NAV3: variants seen among roughly 807,000 people sequenced by gnomAD.
The protein encoded by NAV3 is neuron navigator 3.
Under a neutral mutation model 244.7 loss-of-function variants are expected in NAV3, and 87 were observed. The observed-to-expected ratio is 0.36, with a 90% CI of 0.30 to 0.42. NAV3 has a LOEUF of 0.42. Among genes scored for constraint, NAV3 ranks in the 20% least tolerant of loss-of-function variants. NAV3 has a pLI of 1.00. For missense variants in NAV3, 2,663 were observed against 2,893.3 expected, an observed-to-expected ratio of 0.92 and a Z score of 1.83; for synonymous variants, 1,126 against 1,042.2, an observed-to-expected ratio of 1.08 and a Z score of -1.55.
At chr12:77,689,879 T>C (rs1160483414) in intron 2 of NAV3, among the ~76,000 whole-genome samples, 1 of 151,874 alleles carries the variant, frequency 6.6e-6, no homozygotes, top group African/African-American at 2.4e-5. Flanking sequence ...AAGTAATTAT[T>C]GCAAAGTCAG....
At chr12:78,162,921 T>TATATATATAAATATATATATTATATATA (rs1565744377) in intron 23 of NAV3, among the ~76,000 whole-genome samples, 2 of 129,432 alleles carry the variant, frequency 1.5e-5, no homozygotes, top group African/African-American at 5.3e-5. Context: ...TATTATATAA[T>TATATATATAAATATATATATTATATATA]ATATATATAA....
chr12:77,642,493 T>C (rs570656093), intron 2 of NAV3, among the ~76,000 whole-genome samples: 33 of 152,090 alleles, frequency 2.2e-4, no homozygotes, highest in Non-Finnish European at 4.3e-4. Context: ...AGGTTAAAAC[T>C]TTCTATAAGC....
intron 1 of NAV3, among the ~76,000 whole-genome samples, chr12:77,913,737 T>C (rs927238012): frequency 6.6e-6 from 1 of 152,140 alleles, no homozygotes; most frequent in African/African-American, 2.4e-5. Context: ...TTTTACAGTC[T>C]CTCACTTAAG....
chr12:77,757,423 C>T (rs1019761648), intron 2 of NAV3, among the ~76,000 whole-genome samples: 2 of 152,160 alleles, frequency 1.3e-5, no homozygotes, highest in Non-Finnish European at 1.5e-5. Context: ...TTGAAATGTG[C>T]CTTCTTCTCT....
At chr12:78,125,102 G>A (rs947481406) in intron 16 of NAV3, among the ~76,000 whole-genome samples, 1 of 152,116 alleles carries the variant, frequency 6.6e-6, no homozygotes, top group Admixed American at 6.5e-5. Flanking sequence ...GAAGAGAAAA[G>A]TAGATCTAGT....
intron 2 of NAV3, among the ~76,000 whole-genome samples, chr12:77,708,767 G>T (rs566557503): frequency 6.6e-6 from 1 of 152,088 alleles, no homozygotes; most frequent in Non-Finnish European, 1.5e-5. Context: ...CCTTGAAGAG[G>T]TCCTTCACAT....
intron 2 of NAV3, among the ~76,000 whole-genome samples, chr12:77,595,512 C>T (rs1870127647): frequency 6.6e-6 from 1 of 151,954 alleles, no homozygotes; most frequent in Non-Finnish European, 1.5e-5. Context: ...CAAGATTTGC[C>T]AAGAGAGTAG....
Position 78,060,059 on chromosome 12 carries a change from C to T in NAV3, c.2636+944C>T, listed in dbSNP as rs376164642. ...TATCAGAATCATCACTGTTTAAGAA[C>T]ATTGCTTTGGTAAGATAATGTTGTA... On this transcript the variant is annotated intron_variant, in intron 12 of 39. Transcript: ENST00000397909. Among the ~76,000 whole-genome samples the T allele has an allele frequency of 5.5e-4, 83 of 151,898 alleles. 2 individuals are homozygous for T. In the South Asian group the frequency reaches 0.017, roughly 31 times the overall value.
intron 4 of NAV3, 47 bp from the exon 5 acceptor site, chr12:77,968,472 A>T (rs2137985410): frequency 7.0e-7 from 1 of 1,431,816 alleles, no homozygotes; most frequent in Non-Finnish European, 9.8e-7. Context: ...GTTAAAAAGG[A>T]CATTAAATAC....
intron 2 of NAV3, among the ~76,000 whole-genome samples, chr12:77,597,280 A>C (rs893056039): frequency 6.6e-6 from 1 of 152,102 alleles, no homozygotes; most frequent in Non-Finnish European, 1.5e-5. Context: ...TCTGTATTCC[A>C]GTATCACATT....
chr12:77,868,022 G>T (rs1270269686), intron 1 of NAV3, among the ~76,000 whole-genome samples: 1 of 152,098 alleles, frequency 6.6e-6, no homozygotes, highest in Non-Finnish European at 1.5e-5. Flanking sequence ...TAGATTTGGT[G>T]GTTCTATTAT....
At chr12:78,150,192 C>T (rs1024915361) in intron 22 of NAV3, among the ~76,000 whole-genome samples, 1 of 151,922 alleles carries the variant, frequency 6.6e-6, no homozygotes, top group African/African-American at 2.4e-5. Flanking sequence ...TGAATTTGTA[C>T]CCAGAGGAAG....
At chr12:77,662,994 G>A (rs553068678) in intron 2 of NAV3, among the ~76,000 whole-genome samples, 2 of 152,180 alleles carry the variant, frequency 1.3e-5, no homozygotes, top group East Asian at 3.9e-4. Context: ...AAATGCTTAT[G>A]CCTTATTATG....
At chr12:77,924,955 A>G (rs1201048561) in intron 1 of NAV3, among the ~76,000 whole-genome samples, 1 of 151,986 alleles carries the variant, frequency 6.6e-6, no homozygotes, top group Non-Finnish European at 1.5e-5. Context: ...TGATCCTAGC[A>G]TGAAAGACAA....
chr12:78,185,110 T>G (rs1361394969), intron 30 of NAV3, among the ~76,000 whole-genome samples: 1 of 151,828 alleles, frequency 6.6e-6, no homozygotes, highest in Non-Finnish European at 1.5e-5. Context: ...CTAATAATTA[T>G]AAAGATAAGG....
intron 27 of NAV3, 31 bp downstream of exon 27, chr12:78,177,344 T>G: frequency 6.3e-7 from 1 of 1,587,972 alleles, no homozygotes; most frequent in Non-Finnish European, 8.5e-7. Context: ...AATGCAGACA[T>G]ATTTTTTAAA....
chr12:78,107,800 C>T (rs1018799202), intron 12 of NAV3, among the ~76,000 whole-genome samples: 2 of 151,994 alleles, frequency 1.3e-5, no homozygotes, highest in African/African-American at 4.8e-5. Flanking sequence ...CATGAAAATA[C>T]ATGAAAGTAT....
chr12:77,961,341 A>T lies in NAV3; in HGVS notation c.415-4888A>T, dbSNP rs1891950869. On this transcript the variant is annotated intron_variant, in intron 3 of 39. Transcript: ENST00000397909. ...TATACATATATGTAATATAATAAAT[A>T]TTACACATATACATATATGTAATAT... Among the ~76,000 whole-genome samples the T allele has an allele frequency of 2.8e-5, 4 of 142,826 alleles. No individual in the cohort carries two copies. The South Asian group carries it at 6.6e-4, about 24-fold the overall frequency. 93.7% of individuals were successfully genotyped at this position (142,826 alleles called of 152,430 possible). A position where few individuals can be genotyped will look rare whatever the true frequency, so the allele number is the denominator to read the frequency against.
chr12:77,741,904 T>C (rs932051366), intron 2 of NAV3, among the ~76,000 whole-genome samples: 2 of 152,118 alleles, frequency 1.3e-5, no homozygotes, highest in African/African-American at 4.8e-5. Flanking sequence ...GTATATAATC[T>C]CATTTAATGA....
Sources: gnomAD v4.1 joint callset for allele counts (sites outside exome capture counted in the v4.1 genomes callset) on GRCh38, gnomAD v4.1.1 for gene constraint, MANE v1.5 for transcripts, NCBI Gene and HGNC (gene_info 2026-07-23, HGNC 2026-07-21) for gene names.